FGF12: variants seen among roughly 807,000 people sequenced by gnomAD.
FGF12 encodes fibroblast growth factor 12, also known as fibroblast growth factor 12B.
Under a neutral mutation model 23.6 loss-of-function variants are expected in FGF12, and 14 were observed. The ratio of observed to expected loss-of-function variants is 0.59; its 90% CI spans 0.39 to 0.93. The LOEUF (loss-of-function observed/expected upper bound fraction) is 0.93, where lower values mean the gene tolerates loss of function less well. Among genes scored for constraint, FGF12 ranks in the 40% least tolerant of loss-of-function variants. The probability of loss-of-function intolerance (pLI) is 0.00; values close to 1 mark genes in which losing one functional copy is unlikely to be tolerated. For missense variants in FGF12, 175 were observed against 217.8 expected (o/e 0.80, Z 1.24); for synonymous variants, 62 against 77.3 (o/e 0.80, Z 1.04).
chr3:192,456,815 T>C lies in FGF12; in HGVS notation c.14-96277A>G, dbSNP rs1487089862. Reference sequence around the variant, plus strand: ...GAATAGAGGTAGTACTATGAGAATGTATGATTCCTATACACTCAAAAGCTA... The same window carrying C: ...GAATAGAGGTAGTACTATGAGAATGCATGATTCCTATACACTCAAAAGCTA... On this transcript the variant is annotated intron_variant, in intron 2 of 5. Coordinates refer to ENST00000445105, the MANE Select transcript of FGF12 (RefSeq NM_004113.6). 2.0e-5 allele frequency among the ~76,000 whole-genome samples: 3 copies of C among 152,170 alleles called. No homozygotes were observed. The East Asian group carries it at 5.8e-4, about 29-fold the overall frequency.
At chr3:192,654,708 G>A (rs962319574) in intron 2 of FGF12, among the ~76,000 whole-genome samples, 11 of 152,268 alleles carry the variant, frequency 7.2e-5, no homozygotes, top group Admixed American at 6.5e-4. Flanking sequence ...AACGTAGTCC[G>A]TTCCTTTCCC....
At chr3:192,260,597 G>C (rs1712687243) in intron 4 of FGF12, among the ~76,000 whole-genome samples, 1 of 152,094 alleles carries the variant, frequency 6.6e-6, no homozygotes, top group Non-Finnish European at 1.5e-5. Flanking sequence ...ATTACTCTTG[G>C]ACCTCTCAGT....
At chr3:192,654,099 A>G (rs1716310211) in intron 2 of FGF12, among the ~76,000 whole-genome samples, 1 of 152,174 alleles carries the variant, frequency 6.6e-6, no homozygotes, top group Non-Finnish European at 1.5e-5. Context: ...CAAGTATGTG[A>G]AGGATTTCAG....
chr3:192,241,124 G>C (rs993717339), intron 4 of FGF12, among the ~76,000 whole-genome samples: 1 of 152,110 alleles, frequency 6.6e-6, no homozygotes, highest in African/African-American at 2.4e-5. Flanking sequence ...TAAGAATTCA[G>C]GGAATACTAT....
At chr3:192,324,551 C>T (rs6775522) in intron 4 of FGF12, among the ~76,000 whole-genome samples, 7,568 of 152,242 alleles carry the variant, frequency 0.05, 543 homozygotes, top group African/African-American at 0.16. Context: ...AGCTCCATAT[C>T]CTCATTATTA....
chr3:192,667,449 C>CAA (rs572987859), intron 2 of FGF12, among the ~76,000 whole-genome samples: 4 of 145,318 alleles, frequency 2.8e-5, no homozygotes, highest in African/African-American at 1.0e-4. Flanking sequence ...ACCAAAAATA[C>CAA]AAAAAAAAAA....
chr3:192,255,045 T>G (rs565696597), intron 4 of FGF12, among the ~76,000 whole-genome samples: 2 of 152,144 alleles, frequency 1.3e-5, no homozygotes, highest in East Asian at 3.9e-4. Flanking sequence ...GATCAGGGTA[T>G]GAATTGTGAT....
chr3:192,366,046 G>A (rs535263542), intron 2 of FGF12, among the ~76,000 whole-genome samples: 3 of 151,278 alleles, frequency 2.0e-5, no homozygotes, highest in Non-Finnish European at 4.4e-5. Flanking sequence ...CTTATCCAAG[G>A]TCACACAGCT....
At chr3:192,672,668 T>TCC (rs1717169894) in intron 2 of FGF12, among the ~76,000 whole-genome samples, 2 of 151,096 alleles carry the variant, frequency 1.3e-5, no homozygotes, top group Admixed American at 1.3e-4. Context: ...TTCGTTTTGT[T>TCC]CCCTTTATTG....
At position 192,646,213 on chromosome 3, in the gene FGF12, T is replaced by A. The variant is rs189177976; in HGVS notation, c.13+80968A>T. ...AGAAAATGTATAACTTGAGACACAA[T>A]ATCAATCAATCAATCAATCAATCAT... On this transcript the variant is annotated intron_variant, in intron 2 of 5. Transcript: ENST00000445105. Among the ~76,000 whole-genome samples, 816 of 150,572 alleles carry A rather than the reference T, an allele frequency of 5.4e-3. 7 individuals carry two copies. The highest frequency in any genetic ancestry group is 0.018 in the African/African-American group (722 of 41,034).
At chr3:192,563,937 A>G (rs1712152519) in intron 2 of FGF12, among the ~76,000 whole-genome samples, 1 of 152,388 alleles carries the variant, frequency 6.6e-6, no homozygotes, top group African/African-American at 2.4e-5. Context: ...GCTATTATCA[A>G]TGGATGATTA....
intron 2 of FGF12, among the ~76,000 whole-genome samples, chr3:192,693,876 T>C (rs995433610): frequency 6.6e-5 from 10 of 152,010 alleles, no homozygotes; most frequent in African/African-American, 2.4e-4. Context: ...ACATCAAGCA[T>C]GGGCAACAAA....
At chr3:192,334,550 G>C (rs573863593) in intron 4 of FGF12, among the ~76,000 whole-genome samples, 1 of 151,978 alleles carries the variant, frequency 6.6e-6, no homozygotes, top group Non-Finnish European at 1.5e-5. Flanking sequence ...ACCCCATTCA[G>C]TGCAGCCACA....
At chr3:192,518,742 G>A (rs1441170074) in intron 2 of FGF12, among the ~76,000 whole-genome samples, 1 of 152,064 alleles carries the variant, frequency 6.6e-6, no homozygotes, top group Non-Finnish European at 1.5e-5. Context: ...GACTCTGAAA[G>A]GGCACAAAAC....
intron 4 of FGF12, among the ~76,000 whole-genome samples, chr3:192,286,374 T>C (rs1714448087): frequency 6.6e-6 from 1 of 152,040 alleles, no homozygotes; most frequent in Non-Finnish European, 1.5e-5. Flanking sequence ...ACTGTTTGCA[T>C]TCACTGTTAC....
At chr3:192,340,567 G>A (rs1468331950) in intron 3 of FGF12, among the ~76,000 whole-genome samples, 2 of 152,134 alleles carry the variant, frequency 1.3e-5, no homozygotes, top group Admixed American at 1.3e-4. Context: ...TCCAAAAGGA[G>A]TATCTTGTTC....
chr3:192,299,476 TG>T (rs1178326450), intron 4 of FGF12, among the ~76,000 whole-genome samples: 1 of 152,166 alleles, frequency 6.6e-6, no homozygotes, highest in Non-Finnish European at 1.5e-5. Context: ...TAATGTATAT[TG>T]TATTTAAAAA....
At chr3:192,322,576 G>T (rs906709337) in intron 4 of FGF12, among the ~76,000 whole-genome samples, 5 of 151,530 alleles carry the variant, frequency 3.3e-5, no homozygotes, top group African/African-American at 1.2e-4. Flanking sequence ...TGAGAGAATC[G>T]CATTACCTGA....
intron 4 of FGF12, among the ~76,000 whole-genome samples, chr3:192,327,540 C>A (rs2108688164): frequency 6.7e-6 from 1 of 148,560 alleles, no homozygotes; most frequent in African/African-American, 2.5e-5. Context: ...AAAAAGTAAA[C>A]AAATCATCGC....
Sources: gnomAD v4.1 joint callset for allele counts (sites outside exome capture counted in the v4.1 genomes callset) on GRCh38, gnomAD v4.1.1 for gene constraint, MANE v1.5 for transcripts, NCBI Gene and HGNC (gene_info 2026-07-23, HGNC 2026-07-21) for gene names.